The following EDIL3 variants were observed in gnomAD, a reference collection of about 807,000 sequenced individuals.
EDIL3 encodes the protein EGF-like repeat and discoidin I-like domain-containing protein 3.
Under a neutral mutation model 67.4 loss-of-function variants are expected in EDIL3, and 37 were observed. That is an observed-to-expected ratio of 0.55 (90% CI 0.42 to 0.72). EDIL3 has a LOEUF of 0.72. Among genes scored for constraint, EDIL3 ranks in the 30% least tolerant of loss-of-function variants. The pLI, the probability that EDIL3 is intolerant of heterozygous loss-of-function variation, is 0.00. For missense variants in EDIL3, 527 were observed against 586.3 expected, an observed-to-expected ratio of 0.90 and a Z score of 1.04; for synonymous variants, 195 against 196.3, an observed-to-expected ratio of 0.99 and a Z score of 0.05.
intron 9 of EDIL3, among the ~76,000 whole-genome samples, chr5:84,029,085 A>G (rs1370071457): frequency 6.6e-6 from 1 of 152,014 alleles, no homozygotes; most frequent in Non-Finnish European, 1.5e-5. Context: ...GTGAAACCCC[A>G]TCTCTACTAA....
At chr5:84,034,170 C>T (rs577053064) in intron 9 of EDIL3, among the ~76,000 whole-genome samples, 1 of 152,144 alleles carries the variant, frequency 6.6e-6, no homozygotes, top group Non-Finnish European at 1.5e-5. Context: ...ATCAATTTTA[C>T]TAAAATTAGA....
In EDIL3 at chr5:83,995,855, T is replaced by C. The variant is rs202129086; in HGVS notation, c.1138-32495A>G. Reference sequence around the variant, plus strand: ...CCAGTAAGCAAGGCTCTGAATCTGATTACATTCTTGACAGACATATTTTTT... The same window carrying C: ...CCAGTAAGCAAGGCTCTGAATCTGACTACATTCTTGACAGACATATTTTTT... On this transcript the variant is annotated intron_variant, in intron 9 of 10. Coordinates refer to ENST00000296591, the MANE Select transcript of EDIL3 (RefSeq NM_005711.5). Among the ~76,000 whole-genome samples the C allele has an allele frequency of 2.4e-4, 37 of 152,306 alleles. No homozygotes were observed. In the East Asian group the frequency reaches 5.8e-3, roughly 24 times the overall value.
chr5:83,996,390 AG>A lies in EDIL3; in HGVS notation c.1138-33031del, dbSNP rs1362568010. On this transcript the variant is annotated intron_variant, in intron 9 of 10. Coordinates refer to ENST00000296591, the MANE Select transcript of EDIL3 (RefSeq NM_005711.5). ...AGAATACTGAGCAGCAGAAGGAACA[AG>A]GCTGCCAATGCAGCAGGAGACATTG... 2.8e-4 allele frequency among the ~76,000 whole-genome samples: 43 copies of A among 152,338 alleles called. 1 individual carries two copies. Among genetic ancestry groups the A allele is most frequent in the African/African-American group, 9.9e-4 (41 of 41,590 alleles).
At chr5:84,258,598 A>G (rs1225272370) in intron 1 of EDIL3, among the ~76,000 whole-genome samples, 7 of 152,114 alleles carry the variant, frequency 4.6e-5, no homozygotes, top group African/African-American at 1.7e-4. Context: ...TTCTTTCTTA[A>G]AGAAGGATTA....
At chr5:84,188,962 T>C (rs1743522842) in intron 3 of EDIL3, among the ~76,000 whole-genome samples, 2 of 152,072 alleles carry the variant, frequency 1.3e-5, no homozygotes, top group African/African-American at 2.4e-5. Context: ...GTATTCAGGG[T>C]TCCTGGTATA....
At chr5:83,967,414 T>C (rs1378523978) in intron 9 of EDIL3, among the ~76,000 whole-genome samples, 1 of 152,098 alleles carries the variant, frequency 6.6e-6, no homozygotes, top group Non-Finnish European at 1.5e-5. Flanking sequence ...AGCTTTAAAG[T>C]AATATTAAAA....
At chr5:84,008,926 C>T (rs1745471792) in intron 9 of EDIL3, among the ~76,000 whole-genome samples, 1 of 152,144 alleles carries the variant, frequency 6.6e-6, no homozygotes, top group Admixed American at 6.5e-5. Flanking sequence ...AATTCTCCTG[C>T]CTCAGCCTCC....
chr5:84,134,328 A>C (rs185690995), intron 5 of EDIL3, among the ~76,000 whole-genome samples: 1 of 152,342 alleles, frequency 6.6e-6, no homozygotes, highest in Non-Finnish European at 1.5e-5. Context: ...TGGCAAAGGC[A>C]GCCTTAATAT....
chr5:83,998,269 T>C (rs371621112), intron 9 of EDIL3, among the ~76,000 whole-genome samples: 2 of 152,122 alleles, frequency 1.3e-5, no homozygotes, highest in Non-Finnish European at 2.9e-5. Context: ...AAATAAATCA[T>C]GGAGCAGAGT....
intron 1 of EDIL3, among the ~76,000 whole-genome samples, chr5:84,296,291 G>A (rs1746049760): frequency 6.6e-6 from 1 of 152,136 alleles, no homozygotes; most frequent in South Asian, 2.1e-4. Flanking sequence ...CTAAGTAGGT[G>A]CCTTATTACT....
intron 4 of EDIL3, among the ~76,000 whole-genome samples, chr5:84,157,002 G>A (rs1748504089): frequency 6.6e-6 from 1 of 151,998 alleles, no homozygotes; most frequent in African/African-American, 2.4e-5. Context: ...CTCTAGTAAT[G>A]TCTTTATCCA....
rs188157624 is a variant in EDIL3 at position 83,990,377 on chromosome 5, C to T, written c.1138-27017G>A. Among the ~76,000 whole-genome samples the T allele has an allele frequency of 6.1e-3, 929 of 151,116 alleles. 7 individuals are homozygous for T. The highest frequency in any genetic ancestry group is 0.031 in the Middle Eastern group (9 of 292). ...TGGCATGCGCCTGTAATCCCAGCTA[C>T]TTGGGAGGCTGAGGCAGAAGAATCA... On this transcript the variant is annotated intron_variant, in intron 9 of 10. Transcript: ENST00000296591.
At chr5:84,303,469 A>G (rs1746199821) in intron 1 of EDIL3, among the ~76,000 whole-genome samples, 1 of 151,962 alleles carries the variant, frequency 6.6e-6, no homozygotes, top group Non-Finnish European at 1.5e-5. Flanking sequence ...TGTCTTTTCC[A>G]TTTTCCAAAT....
chr5:84,201,577 A>G (rs549849795), intron 3 of EDIL3, among the ~76,000 whole-genome samples: 1,584 of 152,138 alleles, frequency 0.01, 33 homozygotes, highest in African/African-American at 0.036. Flanking sequence ...GCTTTGTCTT[A>G]CCCAGTATTA....
At chr5:84,319,974 G>A (rs1309404057) in intron 1 of EDIL3, among the ~76,000 whole-genome samples, 1 of 152,032 alleles carries the variant, frequency 6.6e-6, no homozygotes, top group African/African-American at 2.4e-5. Flanking sequence ...ACACAGGGAG[G>A]GGAACATCAC....
intron 5 of EDIL3, among the ~76,000 whole-genome samples, chr5:84,125,156 G>A (rs749924038): frequency 6.6e-6 from 1 of 151,930 alleles, no homozygotes; most frequent in African/African-American, 2.4e-5. Context: ...AACCTTCATC[G>A]TAATGTGGTT....
intron 1 of EDIL3, among the ~76,000 whole-genome samples, chr5:84,337,744 CATA>C (rs1747019154): frequency 6.6e-6 from 1 of 152,026 alleles, no homozygotes; most frequent in Non-Finnish European, 1.5e-5. Flanking sequence ...AATGATGAAT[CATA>C]ATGAGAAAAG....
chr5:84,309,439 C>G (rs1746341280), intron 1 of EDIL3, among the ~76,000 whole-genome samples: 3 of 151,074 alleles, frequency 2.0e-5, no homozygotes, highest in Non-Finnish European at 4.4e-5. Flanking sequence ...TGCACTGTAC[C>G]CACTAACTCT....
chr5:83,984,486 G>C (rs1745026153), intron 9 of EDIL3, among the ~76,000 whole-genome samples: 1 of 152,064 alleles, frequency 6.6e-6, no homozygotes, highest in Non-Finnish European at 1.5e-5. Flanking sequence ...AACCAAGTAG[G>C]ATTGTGGTCC....
Sources: allele counts gnomAD v4.1 joint callset (sites outside exome capture counted in the v4.1 genomes callset), GRCh38; gene constraint gnomAD v4.1.1; transcripts MANE v1.5; gene names NCBI Gene and HGNC (gene_info 2026-07-23, HGNC 2026-07-21).